Variants in TOGARAM2 observed in about 807,000 individuals in gnomAD.
The protein encoded by TOGARAM2 is TOG array regulator of axonemal microtubules 2, also known as TOG array regulator of axonemal microtubules protein 2.
A neutral mutation model predicts 93.3 loss-of-function variants in TOGARAM2; 85 were observed. The observed-to-expected ratio is 0.91, with a 90% CI of 0.76 to 1.09. TOGARAM2 has a LOEUF of 1.09. TOGARAM2 is among the 50% of genes least tolerant of loss of function. The probability of loss-of-function intolerance (pLI) is 0.00; values close to 1 mark genes in which losing one functional copy is unlikely to be tolerated. For missense variants in TOGARAM2, 1,277 were observed against 1,334.5 expected (o/e 0.96, Z 0.67); for synonymous variants, 593 against 552.8 (o/e 1.07, Z -1.02).
intron 14 of TOGARAM2, among the ~76,000 whole-genome samples, chr2:29,032,055 G>A (rs1665795874): frequency 6.6e-6 from 1 of 152,118 alleles, no homozygotes; most frequent in African/African-American, 2.4e-5. Context: ...CTATTATGGT[G>A]GCCTCCTAAT....
chr2:28,960,797 G>A (rs1305160442), intron 1 of TOGARAM2, among the ~76,000 whole-genome samples: 3 of 152,210 alleles, frequency 2.0e-5, no homozygotes, highest in African/African-American at 7.2e-5. Flanking sequence ...GGTGGCCAGT[G>A]AGCACCTAAC....
intron 10 of TOGARAM2, among the ~76,000 whole-genome samples, chr2:29,019,412 C>A (rs147160200): frequency 1.3e-5 from 2 of 152,014 alleles, no homozygotes; most frequent in East Asian, 1.9e-4. Flanking sequence ...TCAAGTGATT[C>A]GCCCACCTCA....
At chr2:28,961,490 C>T (rs540340580) in intron 1 of TOGARAM2, among the ~76,000 whole-genome samples, 105 of 151,912 alleles carry the variant, frequency 6.9e-4, no homozygotes, top group African/African-American at 2.3e-3. Context: ...TATAGGCGCC[C>T]GCCACCATGC....
rs577581363 is a variant in TOGARAM2 at position 28,970,656 on chromosome 2, C to T, written c.-147+13959C>T. Among the ~76,000 whole-genome samples the T allele has an allele frequency of 7.9e-5, 12 of 152,328 alleles. No individual in the cohort carries two copies. In the South Asian group the frequency reaches 2.5e-3, roughly 32 times the overall value. ...GGTGAGGGCCATGGGGCTGTGTGTG[C>T]ACCCTGTTAAAAGCCCAGGGTGGAC... is the stretch of plus-strand genomic sequence containing the variant. On this transcript the variant is annotated intron_variant, in intron 1 of 6. Transcript: ENST00000401723.
chr2:28,985,554 G>T (rs1312612185), intron 1 of TOGARAM2, among the ~76,000 whole-genome samples: 2 of 152,054 alleles, frequency 1.3e-5, no homozygotes, highest in African/African-American at 4.8e-5. Context: ...ACTAGACCAA[G>T]TTCTGATTAA....
chr2:28,984,793 C>A (rs142004676), intron 1 of TOGARAM2, among the ~76,000 whole-genome samples: 1 of 152,306 alleles, frequency 6.6e-6, no homozygotes, highest in Admixed American at 6.5e-5. Context: ...AGGATTGATG[C>A]GGTGGTATCC....
rs531266223 is a variant in TOGARAM2 at position 29,037,022 on chromosome 2, A to G, written c.2635+265A>G. On this transcript the variant is annotated intron_variant, in intron 18 of 19. Transcript: ENST00000379558. ...AGCCTCCTCATAGACACATGAGGGA[A>G]ATGACCCCCCAGGGTCACAAAGCAC... 2.0e-5 allele frequency among the ~76,000 whole-genome samples: 3 copies of G among 152,258 alleles called. No individual in the cohort carries two copies. The South Asian group carries it at 6.2e-4, about 32-fold the overall frequency.
intron 6 of TOGARAM2, among the ~76,000 whole-genome samples, chr2:29,006,287 G>A (rs1225206961): frequency 1.3e-5 from 2 of 149,454 alleles, no homozygotes; most frequent in Non-Finnish European, 3.0e-5. Context: ...GTGCATGTAT[G>A]TGTGCATGTG....
At chr2:29,019,638 T>A (rs1034398427) in intron 10 of TOGARAM2, among the ~76,000 whole-genome samples, 7 of 152,210 alleles carry the variant, frequency 4.6e-5, no homozygotes, top group Non-Finnish European at 7.3e-5. Flanking sequence ...TTATTTGAAC[T>A]GTTTATGTTT....
chr2:28,957,648 A>G (rs1430170391), intron 1 of TOGARAM2, among the ~76,000 whole-genome samples: 1 of 152,200 alleles, frequency 6.6e-6, no homozygotes, highest in Non-Finnish European at 1.5e-5. Context: ...AGGAGTGTGT[A>G]TATCTGAACA....
upstream of TOGARAM2, among the ~76,000 whole-genome samples, chr2:28,980,601 G>A (rs1052234507): frequency 1.3e-5 from 2 of 152,216 alleles, no homozygotes; most frequent in Non-Finnish European, 2.9e-5. Context: ...CCAGAGAGAG[G>A]ATGCCAGCCT....
chr2:29,021,358 A>C (rs1009400143), intron 10 of TOGARAM2, among the ~76,000 whole-genome samples: 1 of 152,196 alleles, frequency 6.6e-6, no homozygotes, highest in Admixed American at 6.5e-5. Flanking sequence ...AGAGCTCTGG[A>C]CTGGGAGGGG....
At chr2:28,994,679 T>G in intron 1 of TOGARAM2, 46 bp from the exon 2 acceptor site, 1 of 662,536 alleles carries the variant, frequency 1.5e-6, no homozygotes, top group Non-Finnish European at 2.6e-6. Context: ...AGTTTAAAAG[T>G]GTTAATTTGC....
At chr2:29,031,185 G>A (rs1311246761) in intron 14 of TOGARAM2, among the ~76,000 whole-genome samples, 2 of 152,216 alleles carry the variant, frequency 1.3e-5, no homozygotes, top group African/African-American at 4.8e-5. Context: ...AAGAGATGGG[G>A]TCTTGCTATG....
In TOGARAM2 at chr2:29,030,029, T is replaced by G. The variant is rs72859147; in HGVS notation, c.2013-2905T>G. On this transcript the variant is annotated intron_variant, in intron 14 of 19. Coordinates refer to ENST00000379558, the MANE Select transcript of TOGARAM2 (RefSeq NM_199280.4). ...TGGCTCACATCTGTAATTCCAGCAC[T>G]TTGGGAACCCAAGGCAGGTGGATCT... Among the ~76,000 whole-genome samples the G allele has an allele frequency of 3.7e-3, 559 of 152,346 alleles. 5 individuals are homozygous for G. The highest frequency in any genetic ancestry group is 0.013 in the African/African-American group (536 of 41,590).
chr2:29,001,348 A>AT (rs150089143), intron 4 of TOGARAM2, among the ~76,000 whole-genome samples: 56,659 of 149,660 alleles, frequency 0.38, 12,938 homozygotes, highest in Non-Finnish European at 0.52. Context: ...TTTTTTTTTA[A>AT]TTTTTTTTTT....
At chr2:28,992,340 C>T (rs1314459793) in intron 1 of TOGARAM2, among the ~76,000 whole-genome samples, 1 of 152,080 alleles carries the variant, frequency 6.6e-6, no homozygotes, top group Non-Finnish European at 1.5e-5. Context: ...CTGCACTAGA[C>T]CCTGGGGCCT....
chr2:28,980,880 A>G (rs938485688), upstream of TOGARAM2, among the ~76,000 whole-genome samples: 3 of 152,206 alleles, frequency 2.0e-5, no homozygotes, highest in Non-Finnish European at 4.4e-5. Flanking sequence ...AACTGAGGTC[A>G]AGAAAGGTAA....
chr2:28,974,596 G>A (rs1671998798), intron 1 of TOGARAM2, among the ~76,000 whole-genome samples: 1 of 151,672 alleles, frequency 6.6e-6, no homozygotes, highest in Non-Finnish European at 1.5e-5. Context: ...CACGGTCCCT[G>A]GGGCTCTGTT....
Sources: allele counts gnomAD v4.1 joint callset (sites outside exome capture counted in the v4.1 genomes callset), GRCh38; gene constraint gnomAD v4.1.1; transcripts MANE v1.5; gene names NCBI Gene and HGNC (gene_info 2026-07-23, HGNC 2026-07-21).